Variants in PCDH15 observed in about 807,000 individuals in gnomAD.
PCDH15 encodes the protein protocadherin related 15, also known as protocadherin-15.
Under a neutral mutation model 178.5 loss-of-function variants are expected in PCDH15, and 129 were observed. The ratio of observed to expected loss-of-function variants is 0.72; its 90% CI spans 0.63 to 0.84. The LOEUF (loss-of-function observed/expected upper bound fraction) is 0.84, where lower values mean the gene tolerates loss of function less well. Among genes scored for constraint, PCDH15 ranks in the 40% least tolerant of loss-of-function variants. The pLI is 0.00. For synonymous variants in PCDH15, 800 were observed against 732.0 expected, an observed-to-expected ratio of 1.09 and a Z score of -1.50; for missense variants, 2,230 against 2,099.9, an observed-to-expected ratio of 1.06 and a Z score of -1.21.
At chr10:53,924,094 C>A (rs889162317) in intron 25 of PCDH15, among the ~76,000 whole-genome samples, 37 of 152,170 alleles carry the variant, frequency 2.4e-4, no homozygotes, top group Admixed American at 2.6e-4. Context: ...CTTGAGGAGC[C>A]CTTCAGCCCG....
intron 23 of PCDH15, among the ~76,000 whole-genome samples, chr10:53,943,467 T>C (rs1455675049): frequency 6.6e-6 from 1 of 151,314 alleles, no homozygotes; most frequent in African/African-American, 2.4e-5. Flanking sequence ...CAGAGCGAGT[T>C]TAAATCTCAA....
At chr10:54,477,562 T>C (rs1431884470) in intron 3 of PCDH15, among the ~76,000 whole-genome samples, 1 of 152,206 alleles carries the variant, frequency 6.6e-6, no homozygotes, top group Non-Finnish European at 1.5e-5. Context: ...TTATAAAGCA[T>C]GTGTGTTGAA....
intron 1 of PCDH15, among the ~76,000 whole-genome samples, chr10:55,300,340 T>C (rs1055469020): frequency 6.6e-6 from 1 of 152,168 alleles, no homozygotes; most frequent in Non-Finnish European, 1.5e-5. Flanking sequence ...AGAGGTGATA[T>C]GTTGACATGC....
intron 2 of PCDH15, among the ~76,000 whole-genome samples, chr10:54,972,070 A>C (rs1838947773): frequency 6.6e-6 from 1 of 152,148 alleles, no homozygotes; most frequent in Non-Finnish European, 1.5e-5. Flanking sequence ...GACTGTTAGA[A>C]CCACTCTCCC....
At chr10:55,272,846 C>A (rs1212238356) in intron 1 of PCDH15, among the ~76,000 whole-genome samples, 1 of 151,952 alleles carries the variant, frequency 6.6e-6, no homozygotes, top group African/African-American at 2.4e-5. Context: ...CTCCCCCCAG[C>A]CTGTCTAATG....
chr10:55,176,422 G>T (rs1839488902), intron 1 of PCDH15, among the ~76,000 whole-genome samples: 1 of 152,000 alleles, frequency 6.6e-6, no homozygotes, highest in Non-Finnish European at 1.5e-5. Context: ...TCAAAAGTTT[G>T]GGCAACTCAA....
chr10:54,206,359 T>G (rs1347389798), intron 10 of PCDH15, among the ~76,000 whole-genome samples: 2 of 152,126 alleles, frequency 1.3e-5, no homozygotes, highest in Admixed American at 6.6e-5. Context: ...GTTTGGAACG[T>G]GAGAATCATC....
chr10:54,913,116 C>T (rs1954846186), intron 2 of PCDH15, among the ~76,000 whole-genome samples: 1 of 152,134 alleles, frequency 6.6e-6, no homozygotes. Context: ...GGGGATGAAC[C>T]CTTTAAGCTA....
chr10:54,331,996 C>T (rs1352659556), intron 6 of PCDH15, among the ~76,000 whole-genome samples: 1 of 151,292 alleles, frequency 6.6e-6, no homozygotes, highest in Non-Finnish European at 1.5e-5. Flanking sequence ...ATAGAAGTTT[C>T]TGTCAGGATA....
At chr10:55,378,562 C>T (rs916113038) in intron 2 of PCDH15, among the ~76,000 whole-genome samples, 1 of 152,060 alleles carries the variant, frequency 6.6e-6, no homozygotes, top group African/African-American at 2.4e-5. Context: ...ATTTTTGATT[C>T]ACACCATGAA....
chr10:54,739,803 A>G (rs1375444169), intron 1 of PCDH15, among the ~76,000 whole-genome samples: 9 of 152,096 alleles, frequency 5.9e-5, no homozygotes, highest in Admixed American at 5.9e-4. Context: ...TTTTCAATGA[A>G]TGGTGCTGGG....
chr10:54,260,395 T>TAAA (rs10699236), intron 8 of PCDH15, among the ~76,000 whole-genome samples: 15 of 151,476 alleles, frequency 9.9e-5, no homozygotes, highest in South Asian at 6.2e-4. Context: ...TATGCTAGTT[T>TAAA]AAAAAAATTT....
At chr10:54,233,336 C>T (rs2054277197) in intron 9 of PCDH15, among the ~76,000 whole-genome samples, 1 of 151,190 alleles carries the variant, frequency 6.6e-6, no homozygotes, top group Admixed American at 6.6e-5. Flanking sequence ...ATACATGTTA[C>T]AAAGTATTGT....
At chr10:54,772,584 G>T (rs781227963) in intron 1 of PCDH15, among the ~76,000 whole-genome samples, 2 of 34,924 alleles carry the variant, frequency 5.7e-5, no homozygotes, top group African/African-American at 1.1e-4. Context: ...CATTCCAGTC[G>T]GAATGGCTCT....
intron 9 of PCDH15, among the ~76,000 whole-genome samples, chr10:54,224,393 C>G (rs1476099230): frequency 6.6e-6 from 1 of 152,100 alleles, no homozygotes; most frequent in Non-Finnish European, 1.5e-5. Flanking sequence ...AAACACATGT[C>G]TAAGTTCAAG....
In PCDH15 at chr10:54,146,425, G is replaced by C. The variant is rs145286808; in HGVS notation, c.1784+6675C>G. On this transcript the variant is annotated intron_variant, in intron 14 of 37. Transcript: ENST00000644397. ...TCTCTTATTATCTAATTATCAAACA[G>C]TAGTGCTTTATTCATGTTAGGATGA... Among the ~76,000 whole-genome samples the C allele has an allele frequency of 7.4e-3, 1,123 of 151,896 alleles. 2 individuals are homozygous for C. The highest frequency in any genetic ancestry group is 0.011 in the Non-Finnish European group (752 of 67,804).
At chr10:53,821,052 CA>C in intron 32 of PCDH15, 1 of 931,086 alleles carries the variant, frequency 1.1e-6, no homozygotes, top group Non-Finnish European at 1.3e-6. Context: ...CAAAATTAAA[CA>C]GCACTTTTTA....
intron 2 of PCDH15, among the ~76,000 whole-genome samples, chr10:55,398,218 G>A (rs1837976716): frequency 6.6e-6 from 1 of 150,812 alleles, no homozygotes; most frequent in Non-Finnish European, 1.5e-5. Flanking sequence ...TGTAACACTT[G>A]AAAAATGAGT....
intron 2 of PCDH15, among the ~76,000 whole-genome samples, chr10:55,467,988 A>AAAAAAAAAAAAAAAAAAAAAAAAAAAAC (rs1839871567): frequency 6.8e-6 from 1 of 148,004 alleles, no homozygotes; most frequent in Non-Finnish European, 1.5e-5. Context: ...AAAAAAAAAA[A>AAAAAAAAAAAAAAAAAAAAAAAAAAAAC]AAAGAATTAA....
Sources: gnomAD v4.1 joint callset for allele counts (sites outside exome capture counted in the v4.1 genomes callset) on GRCh38, gnomAD v4.1.1 for gene constraint, MANE v1.5 for transcripts, NCBI Gene and HGNC (gene_info 2026-07-23, HGNC 2026-07-21) for gene names.